Variants in PRDM5 observed in about 807,000 individuals in gnomAD.
PRDM5 encodes PR domain zinc finger protein 5.
A neutral mutation model predicts 81.2 loss-of-function variants in PRDM5; 56 were observed. The observed-to-expected ratio is 0.69, with a 90% CI of 0.56 to 0.86. The LOEUF is 0.86. PRDM5 is among the 40% of genes least tolerant of loss of function. The probability of loss-of-function intolerance (pLI) is 0.00; values close to 1 mark genes in which losing one functional copy is unlikely to be tolerated. For synonymous variants in PRDM5, 267 were observed against 256.4 expected (o/e 1.04, Z -0.39); for missense variants, 697 against 770.1 (o/e 0.91, Z 1.12).
intron 13 of PRDM5, chr4:120,762,333 T>C (rs1745743494): frequency 1.3e-5 from 2 of 152,188 alleles, no homozygotes; most frequent in South Asian, 4.1e-4. Flanking sequence ...GGCAACACTT[T>C]CAAGTGAAAA....
chr4:120,757,354 C>A (rs1561111804), intron 13 of PRDM5, among the ~76,000 whole-genome samples: 2 of 152,170 alleles, frequency 1.3e-5, no homozygotes, highest in East Asian at 3.9e-4. Flanking sequence ...GCCATTGAAC[C>A]TTTGAAAAAC....
chr4:120,877,816 A>C (rs1409584706), intron 2 of PRDM5, among the ~76,000 whole-genome samples: 1 of 152,194 alleles, frequency 6.6e-6, no homozygotes, highest in Non-Finnish European at 1.5e-5. Flanking sequence ...AAAATAAATA[A>C]ATAAACAAAC....
chr4:120,710,984 A>G (rs1459867141), intron 14 of PRDM5, among the ~76,000 whole-genome samples: 1 of 152,222 alleles, frequency 6.6e-6, no homozygotes, highest in Non-Finnish European at 1.5e-5. Flanking sequence ...TGACTAGCTC[A>G]AGGCAGTTCA....
intron 3 of PRDM5, among the ~76,000 whole-genome samples, chr4:120,844,333 G>T (rs1046175999): frequency 1.3e-5 from 2 of 152,136 alleles, no homozygotes; most frequent in African/African-American, 4.8e-5. Flanking sequence ...GCTTTATTGT[G>T]CTTCATAGAC....
At chr4:120,719,740 G>A (rs1738314543) in intron 14 of PRDM5, among the ~76,000 whole-genome samples, 1 of 152,098 alleles carries the variant, frequency 6.6e-6, no homozygotes, top group Non-Finnish European at 1.5e-5. Context: ...GTTGAACTGG[G>A]CTGGGGCTAC....
At chr4:120,728,728 T>C (rs1411226033) in intron 14 of PRDM5, among the ~76,000 whole-genome samples, 3 of 152,194 alleles carry the variant, frequency 2.0e-5, no homozygotes, top group African/African-American at 7.2e-5. Flanking sequence ...ATTGGCCTTT[T>C]AATATTCATA....
intron 15 of PRDM5, among the ~76,000 whole-genome samples, chr4:120,701,929 G>A (rs1037423988): frequency 7.2e-5 from 11 of 152,108 alleles, no homozygotes; most frequent in African/African-American, 2.2e-4. Context: ...GAAAACTAAA[G>A]CCTAGATTAT....
Position 120,692,247 on chromosome 4 carries a change from T to C in PRDM5, c.*2864A>G, listed in dbSNP as rs978326635. The C allele has an allele frequency of 6.6e-6, 1 of 152,074 alleles. No homozygotes were observed. Among genetic ancestry groups the C allele is most frequent in the Non-Finnish European group, 1.5e-5 (1 of 67,966 alleles). The allele number at this position is 152,074 out of a possible 1,614,324, so 9.4% of individuals were successfully genotyped here. ...GAAACTAAGGCTGTAAGACCTTCTG[T>C]AATACATGTTCACACTCATGCATGA... On this transcript the variant is annotated 3_prime_UTR_variant, in exon 16 of 16. Transcript: ENST00000264808.
intron 13 of PRDM5, among the ~76,000 whole-genome samples, chr4:120,775,880 C>T (rs1280033464): frequency 6.6e-6 from 1 of 152,180 alleles, no homozygotes; most frequent in Non-Finnish European, 1.5e-5. Flanking sequence ...TCAAAGATTA[C>T]ACCACTAGAC....
chr4:120,738,008 G>A (rs1354581147), intron 14 of PRDM5, among the ~76,000 whole-genome samples: 1 of 152,160 alleles, frequency 6.6e-6, no homozygotes, highest in African/African-American at 2.4e-5. Flanking sequence ...CTGTCTACAT[G>A]AAAGTCACAA....
chr4:120,704,972 C>T (rs1448630355), intron 15 of PRDM5, among the ~76,000 whole-genome samples: 1 of 152,082 alleles, frequency 6.6e-6, no homozygotes, highest in African/African-American at 2.4e-5. Context: ...GAGTTGAAAG[C>T]TGGAAACAAA....
At chr4:120,830,005 G>C (rs139499638) in intron 3 of PRDM5, among the ~76,000 whole-genome samples, 2,274 of 152,090 alleles carry the variant, frequency 0.015, 31 homozygotes, top group Middle Eastern at 0.037. Context: ...CTAAACTCCT[G>C]AATCAGTCTT....
intron 2 of PRDM5, among the ~76,000 whole-genome samples, chr4:120,880,254 A>G (rs916865279): frequency 2.6e-5 from 4 of 152,190 alleles, no homozygotes; most frequent in African/African-American, 9.6e-5. Context: ...TCACAATACA[A>G]GTAAAGAATA....
chr4:120,875,033 C>T (rs1016846803), intron 2 of PRDM5, among the ~76,000 whole-genome samples: 1 of 152,132 alleles, frequency 6.6e-6, no homozygotes, highest in Non-Finnish European at 1.5e-5. Context: ...AACAAGCTCA[C>T]TTTTCTGATG....
chr4:120,907,644 T>C, intron 1 of PRDM5, 87 bp from the exon 2 acceptor site: 8 of 1,030,150 alleles, frequency 7.8e-6, no homozygotes, highest in Non-Finnish European at 1.2e-5. Flanking sequence ...GGAATGTTTT[T>C]CTGCAAATCT....
At chr4:120,796,951 G>A (rs986262625) in intron 10 of PRDM5, among the ~76,000 whole-genome samples, 8 of 152,090 alleles carry the variant, frequency 5.3e-5, no homozygotes, top group African/African-American at 1.7e-4. Flanking sequence ...CAAGTATTTT[G>A]TATCTCATGA....
At chr4:120,878,620 A>G (rs1272293730) in intron 2 of PRDM5, among the ~76,000 whole-genome samples, 3 of 152,192 alleles carry the variant, frequency 2.0e-5, no homozygotes. Flanking sequence ...TGTAAAGTGC[A>G]CAAAAAGATG....
At chr4:120,857,943 A>G (rs1264997536) in intron 2 of PRDM5, among the ~76,000 whole-genome samples, 3 of 152,188 alleles carry the variant, frequency 2.0e-5, no homozygotes, top group Non-Finnish European at 4.4e-5. Flanking sequence ...ACATTCCATC[A>G]AGGCTCCAAG....
downstream of PRDM5, among the ~76,000 whole-genome samples, chr4:120,691,747 G>A (rs35251153): frequency 0.17 from 26,174 of 151,894 alleles, 2,582 homozygotes; most frequent in Non-Finnish European, 0.24. Flanking sequence ...GAGGTACTTT[G>A]CAGATTGAGA....
Sources: gnomAD v4.1 joint callset for allele counts (sites outside exome capture counted in the v4.1 genomes callset) on GRCh38, gnomAD v4.1.1 for gene constraint, MANE v1.5 for transcripts, NCBI Gene and HGNC (gene_info 2026-07-23, HGNC 2026-07-21) for gene names.